The following CENPP variants were observed in gnomAD, a reference collection of about 807,000 sequenced individuals.
The protein encoded by CENPP is centromere protein P.
Under a neutral mutation model 35.6 loss-of-function variants are expected in CENPP, and 24 were observed. The observed-to-expected ratio is 0.67, with a 90% CI of 0.49 to 0.95. CENPP has a LOEUF of 0.95. Among genes scored for constraint, CENPP ranks in the 40% least tolerant of loss-of-function variants. The pLI, the probability that CENPP is intolerant of heterozygous loss-of-function variation, is 0.00. For missense variants in CENPP, 332 were observed against 345.3 expected, an observed-to-expected ratio of 0.96 and a Z score of 0.31; for synonymous variants, 120 against 125.5, an observed-to-expected ratio of 0.96 and a Z score of 0.29.
intron 5 of CENPP, among the ~76,000 whole-genome samples, chr9:92,520,954 G>T (rs1370145477): frequency 6.6e-6 from 1 of 152,240 alleles, no homozygotes; most frequent in African/African-American, 2.4e-5. Context: ...AGGGCTGGGA[G>T]TGGGGAGAAA....
chr9:92,359,790 C>CTTTTTT (rs113627157), intron 4 of CENPP, among the ~76,000 whole-genome samples: 1 of 137,242 alleles, frequency 7.3e-6, no homozygotes, highest in African/African-American at 2.7e-5. Flanking sequence ...GGACAGGGTC[C>CTTTTTT]TTTTTTTTTT....
At chr9:92,561,789 G>C (rs1849853079) in intron 5 of CENPP, among the ~76,000 whole-genome samples, 1 of 152,210 alleles carries the variant, frequency 6.6e-6, no homozygotes, top group South Asian at 2.1e-4. Flanking sequence ...GGGAGAGCCA[G>C]ATGGGAGAGA....
At chr9:92,452,773 C>T (rs1184383269) in intron 5 of CENPP, among the ~76,000 whole-genome samples, 1 of 152,138 alleles carries the variant, frequency 6.6e-6, no homozygotes, top group Non-Finnish European at 1.5e-5. Flanking sequence ...GCCACAATTT[C>T]AGAGTCTGTT....
intron 5 of CENPP, among the ~76,000 whole-genome samples, chr9:92,547,441 C>T (rs7037068): frequency 0.25 from 37,922 of 152,168 alleles, 6,646 homozygotes; most frequent in African/African-American, 0.49. Flanking sequence ...CAAAATGCTG[C>T]ATAGCCATAC....
intron 5 of CENPP, among the ~76,000 whole-genome samples, chr9:92,560,982 C>T (rs1438973569): frequency 1.3e-5 from 2 of 151,524 alleles, no homozygotes; most frequent in Non-Finnish European, 2.9e-5. Flanking sequence ...TCCACCATGA[C>T]CTTTGTCCAT....
intron 3 of CENPP, among the ~76,000 whole-genome samples, chr9:92,343,962 C>CAAAA (rs35920973): frequency 1.3e-3 from 77 of 60,944 alleles, no homozygotes; most frequent in South Asian, 2.0e-3. Context: ...AACCCTGTCT[C>CAAAA]AAAAAAAAAA....
Position 92,533,331 on chromosome 9 carries a change from ATATAT to A in CENPP, c.565-77982_565-77978del, listed in dbSNP as rs1563991507. On this transcript the variant is annotated intron_variant, in intron 5 of 7. Transcript: ENST00000375587. ...AAAAAAAAAAAAAAAAAAAAAAAAT[ATATAT>A]ATATATATATATATATATATATGCT... Among the ~76,000 whole-genome samples, 120 of 79,084 alleles carry A rather than the reference ATATAT, an allele frequency of 1.5e-3. 1 individual carries two copies. The highest frequency in any genetic ancestry group is 9.5e-3 in the East Asian group (15 of 1,582). The allele number at this position is 79,084 out of a possible 152,430, so 51.9% of individuals were successfully genotyped here.
intron 5 of CENPP, chr9:92,466,408 T>G (rs1487645209): frequency 6.2e-7 from 1 of 1,611,368 alleles, no homozygotes; most frequent in Non-Finnish European, 8.5e-7. Context: ...TTGTATTTTC[T>G]TAACTTTATT....
Position 92,544,973 on chromosome 9 carries a change from C to T in CENPP, c.565-66341C>T, listed in dbSNP as rs540062913. Among the ~76,000 whole-genome samples, 616 of 152,322 alleles carry T rather than the reference C, an allele frequency of 4.0e-3. 3 individuals are homozygous for T. The highest frequency in any genetic ancestry group is 7.4e-3 in the Non-Finnish European group (500 of 68,026). Reference sequence around the variant, plus strand: ...CTGACCTCAGGTGATCCACCCGCCTCAGCCCGCTCCAGAGTGCTGGGATTA... The same window carrying T: ...CTGACCTCAGGTGATCCACCCGCCTTAGCCCGCTCCAGAGTGCTGGGATTA... On this transcript the variant is annotated intron_variant, in intron 5 of 7. Transcript: ENST00000375587.
chr9:92,616,429 T>C lies in CENPP; in HGVS notation c.*3280T>C, dbSNP rs1851438930. On this transcript the variant is annotated 3_prime_UTR_variant, in exon 8 of 8. Transcript: ENST00000375587. ...GCGATGTTCCCCCAGCCCAGTGGTA[T>C]AAACGAACGCTGAAAAATCACTTTA... The C allele has an allele frequency of 5.8e-6, 1 of 173,376 alleles. No homozygotes were observed. The highest frequency in any genetic ancestry group is 2.4e-5 in the African/African-American group (1 of 42,048). 10.7% of individuals were successfully genotyped at this position (173,376 alleles called of 1,614,324 possible). A position where few individuals can be genotyped will look rare whatever the true frequency, so the allele number is the denominator to read the frequency against.
chr9:92,612,616 T>G lies in CENPP; in HGVS notation c.736+2T>G, dbSNP rs1411649472. ...TTCTCACCAAAGTCCCACAGCGAGG[T>G]AGGGCCCTGGGTGTGGCTGCTCTAG... On this transcript the variant is annotated splice_donor_variant, in intron 7 of 7. Coordinates refer to ENST00000375587, the MANE Select transcript of CENPP (RefSeq NM_001012267.3). LOFTEE classifies it high-confidence loss of function. The G allele has an allele frequency of 2.5e-6, 4 of 1,611,950 alleles. No individual in the cohort carries two copies. The highest frequency in any genetic ancestry group is 3.4e-6 in the Non-Finnish European group (4 of 1,178,040).
chr9:92,333,057 T>G (rs942867737), intron 2 of CENPP, among the ~76,000 whole-genome samples: 4 of 152,166 alleles, frequency 2.6e-5, no homozygotes, highest in Admixed American at 2.0e-4. Flanking sequence ...GATAAATATT[T>G]TAGCAGCTGG....
chr9:92,334,834 T>A (rs1840872399), intron 2 of CENPP, among the ~76,000 whole-genome samples: 1 of 148,514 alleles, frequency 6.7e-6, no homozygotes, highest in Non-Finnish European at 1.5e-5. Context: ...GAGCTGAGAT[T>A]GCACCACTGC....
At chr9:92,608,106 A>C (rs886925416) in intron 5 of CENPP, among the ~76,000 whole-genome samples, 1 of 152,180 alleles carries the variant, frequency 6.6e-6, no homozygotes, top group Non-Finnish European at 1.5e-5. Flanking sequence ...AGCCACCCCT[A>C]TATCACCACC....
intron 4 of CENPP, among the ~76,000 whole-genome samples, chr9:92,374,233 G>T (rs373155797): frequency 4.2e-4 from 58 of 138,978 alleles, no homozygotes; most frequent in African/African-American, 1.5e-3. Context: ...CTGCTGTTTT[G>T]CTGTTTGCTG....
intron 5 of CENPP, among the ~76,000 whole-genome samples, chr9:92,491,212 G>A (rs1846163522): frequency 6.6e-6 from 1 of 152,136 alleles, no homozygotes. Context: ...TAATCATTAT[G>A]TAGGACCTAA....
intron 5 of CENPP, among the ~76,000 whole-genome samples, chr9:92,550,136 G>A (rs139327757): frequency 1.3e-3 from 194 of 152,260 alleles, no homozygotes; most frequent in East Asian, 7.3e-3. Context: ...GGTGGCTCAC[G>A]CCTACAATCC....
At chr9:92,577,971 C>G (rs1850326023) in intron 5 of CENPP, among the ~76,000 whole-genome samples, 1 of 131,236 alleles carries the variant, frequency 7.6e-6, no homozygotes, top group Non-Finnish European at 1.6e-5. Context: ...CACAACAGTC[C>G]CCAGAGTGTG....
intron 5 of CENPP, among the ~76,000 whole-genome samples, chr9:92,475,832 C>T (rs1401615390): frequency 4.6e-5 from 7 of 152,260 alleles, no homozygotes; most frequent in East Asian, 1.9e-4. Flanking sequence ...CCACTGAGTT[C>T]GGTTTGCTTG....
Sources: allele counts gnomAD v4.1 joint callset (sites outside exome capture counted in the v4.1 genomes callset), GRCh38; gene constraint gnomAD v4.1.1; transcripts MANE v1.5; gene names NCBI Gene and HGNC (gene_info 2026-07-23, HGNC 2026-07-21).